The following SLC13A3 variants were observed in gnomAD, a reference collection of about 807,000 sequenced individuals.
SLC13A3 encodes the protein Na(+)/dicarboxylate cotransporter 3.
A neutral mutation model predicts 59.0 loss-of-function variants in SLC13A3; 40 were observed. The observed-to-expected ratio is 0.68, with a 90% CI of 0.53 to 0.88. SLC13A3 has a LOEUF of 0.88. Among genes scored for constraint, SLC13A3 ranks in the 40% least tolerant of loss-of-function variants. The pLI, the probability that SLC13A3 is intolerant of heterozygous loss-of-function variation, is 0.00. For missense variants in SLC13A3, 699 were observed against 783.2 expected (o/e 0.89, Z 1.28); for synonymous variants, 317 against 330.3 (o/e 0.96, Z 0.44).
chr20:46,654,983 A>G (rs1390727258), upstream of SLC13A3, among the ~76,000 whole-genome samples: 2 of 152,164 alleles, frequency 1.3e-5, no homozygotes, highest in African/African-American at 2.4e-5. Flanking sequence ...GAGAAATGCT[A>G]TGCACCTACT....
Position 46,566,386 on chromosome 20 carries a change from G to A in SLC13A3, c.1337C>T (p.Ser446Leu), listed in dbSNP as rs957403793. The A allele has an allele frequency of 1.4e-5, 22 of 1,611,694 alleles. No homozygotes were observed. The highest frequency in any genetic ancestry group is 4.5e-5 in the East Asian group (2 of 44,826). Residue 446 changes from serine to leucine, a missense_variant, in exon 11 of 13, where the codon TCG (serine) becomes TTG (leucine). Physicochemically the swap from Ser to Leu is moderately radical, Grantham distance 145. Coordinates refer to ENST00000279027, the MANE Select transcript of SLC13A3 (RefSeq NM_022829.6). Reference protein sequence around the residue: ...GFAMAKGCEESGLSVWIGGQL... With the variant: ...GFAMAKGCEELGLSVWIGGQL... ...CCCACCAATCCATACAGACAGCCCC[G>A]ATTCCTGCGGAGGGAAAGGCATTCC...
At chr20:46,585,105 A>G in intron 8 of SLC13A3, 1 of 972,454 alleles carries the variant, frequency 1.0e-6, no homozygotes, top group Non-Finnish European at 1.2e-6. Flanking sequence ...GCAGTGTTTT[A>G]AAAGAATAAA....
At chr20:46,640,730 G>A (rs1454717004) in intron 1 of SLC13A3, among the ~76,000 whole-genome samples, 1 of 152,176 alleles carries the variant, frequency 6.6e-6, no homozygotes, top group East Asian at 1.9e-4. Context: ...GCTGAAAAAA[G>A]CAGTTTGGAC....
At position 46,630,460 on chromosome 20, in the gene SLC13A3, C is replaced by T. The variant is rs140697196; in HGVS notation, c.112-16735G>A. 6.5e-3 allele frequency among the ~76,000 whole-genome samples: 989 copies of T among 152,332 alleles called. 8 individuals are homozygous for T. Among genetic ancestry groups the T allele is most frequent in the Non-Finnish European group, 9.5e-3 (644 of 68,032 alleles). On this transcript the variant is annotated intron_variant, in intron 1 of 12. Coordinates refer to ENST00000279027, the MANE Select transcript of SLC13A3 (RefSeq NM_022829.6). Reference sequence around the variant, plus strand: ...ACTTCAGAACTCCTCGTCCTGCCCACGATGTGCAGAAGCATGCGCCACTCT... The same window carrying T: ...ACTTCAGAACTCCTCGTCCTGCCCATGATGTGCAGAAGCATGCGCCACTCT...
chr20:46,563,423 G>C lies in SLC13A3; in HGVS notation c.1623C>G (p.Val541=), dbSNP rs779282657. The C allele has an allele frequency of 4.3e-5, 69 of 1,613,802 alleles. 3 individuals are homozygous for C. The South Asian group carries it at 7.6e-4, about 18-fold the overall frequency. The change falls in exon 12 of 13, where the codon GTC becomes GTG. Residue 541 remains valine, a synonymous_variant. Coordinates refer to ENST00000279027, the MANE Select transcript of SLC13A3 (RefSeq NM_022829.6). ...SIAFASGHLL[V]KDMVRTGLLM... is the part of the protein sequence containing the mutation. ...AAATGCCCAGACTCACCATGTCTTT[G>C]ACCAGCAAGTGTCCAGAGGCGAAGG...
chr20:46,636,049 C>G (rs535443727), intron 1 of SLC13A3, among the ~76,000 whole-genome samples: 3 of 152,176 alleles, frequency 2.0e-5, no homozygotes, highest in Non-Finnish European at 4.4e-5. Context: ...ATAATCCACC[C>G]CTTGTTTAGC....
intron 1 of SLC13A3, among the ~76,000 whole-genome samples, chr20:46,629,375 C>G (rs1568945529): frequency 6.6e-6 from 1 of 152,134 alleles, no homozygotes; most frequent in Non-Finnish European, 1.5e-5. Context: ...CACAATTTGT[C>G]TTGGTGTTGA....
intron 4 of SLC13A3, among the ~76,000 whole-genome samples, chr20:46,599,033 T>C (rs1464025254): frequency 6.6e-6 from 1 of 152,196 alleles, no homozygotes; most frequent in African/African-American, 2.4e-5. Context: ...ATATTCAAAC[T>C]GCCCCTTCCC....
intron 1 of SLC13A3, chr20:46,681,975 A>G (rs1441386538): frequency 6.6e-6 from 1 of 152,232 alleles, no homozygotes; most frequent in African/African-American, 2.4e-5. Flanking sequence ...CCATCTTTCA[A>G]TACTGCTAAG....
intron 11 of SLC13A3, 66 bp downstream of exon 11, chr20:46,566,163 C>T (rs945227469): frequency 9.1e-5 from 127 of 1,391,460 alleles, no homozygotes; most frequent in Non-Finnish European, 1.2e-4. Flanking sequence ...GGTCCCTTGG[C>T]GGGGGAAGAT....
upstream of SLC13A3, among the ~76,000 whole-genome samples, chr20:46,674,268 G>C (rs1255468823): frequency 6.6e-6 from 1 of 152,144 alleles, no homozygotes; most frequent in Admixed American, 6.5e-5. Context: ...TCCCAGCAGA[G>C]AGCCCTCAGA....
At chr20:46,568,548 T>C (rs1429118973) in intron 10 of SLC13A3, among the ~76,000 whole-genome samples, 1 of 151,776 alleles carries the variant, frequency 6.6e-6, no homozygotes, top group Non-Finnish European at 1.5e-5. Context: ...CCCAGAAGAG[T>C]CCTCATGAAA....
chr20:46,583,638 T>C lies in SLC13A3; in HGVS notation c.1153A>G (p.Ile385Val), dbSNP rs747253823. The C allele has an allele frequency of 2.5e-6, 4 of 1,613,010 alleles. No homozygotes were observed. Among genetic ancestry groups the C allele is most frequent in the Non-Finnish European group, 3.4e-6 (4 of 1,179,910 alleles). The change falls in exon 9 of 13, where the codon ATT becomes GTT. Residue 385 changes from isoleucine (I) to valine (V), a missense_variant. Ile to Val is a conservative substitution (Grantham distance 29). Transcript: ENST00000279027. ...FLSDAVTGVA[I>V]VTILFFFPSQ... ...GGGAAGAAGAACAAGATGGTGACAATAGCCACGCCGGTGACAGCATCAGAA... is the reference window on the plus strand; with the variant it reads ...GGGAAGAAGAACAAGATGGTGACAACAGCCACGCCGGTGACAGCATCAGAA...
At chr20:46,602,438 A>G (rs1013587806) in intron 3 of SLC13A3, among the ~76,000 whole-genome samples, 3 of 152,230 alleles carry the variant, frequency 2.0e-5, no homozygotes, top group Non-Finnish European at 4.4e-5. Context: ...ATTAGAATGA[A>G]TTAAATGTTC....
intron 5 of SLC13A3, 140 bp from the exon 6 acceptor site, chr20:46,592,669 C>T: frequency 4.7e-6 from 4 of 851,978 alleles, no homozygotes; most frequent in Non-Finnish European, 7.2e-6. Context: ...CAGTGTTTTC[C>T]ACCAATTCTA....
chr20:46,650,714 T>C (rs551248136), intron 1 of SLC13A3, among the ~76,000 whole-genome samples: 2 of 152,270 alleles, frequency 1.3e-5, no homozygotes, highest in African/African-American at 4.8e-5. Flanking sequence ...TAAGTGTTCA[T>C]TGTGACTGTC....
At chr20:46,571,087 G>T (rs558589637) in intron 10 of SLC13A3, among the ~76,000 whole-genome samples, 1 of 152,156 alleles carries the variant, frequency 6.6e-6, no homozygotes, top group East Asian at 1.9e-4. Context: ...AGCAGAAGGG[G>T]GAAAAGCCCC....
At chr20:46,595,639 C>T (rs776630154) in intron 5 of SLC13A3, among the ~76,000 whole-genome samples, 48 of 152,318 alleles carry the variant, frequency 3.2e-4, no homozygotes, top group Middle Eastern at 6.8e-3. Flanking sequence ...ACCGCTATAA[C>T]CTTTTGTCTT....
intron 3 of SLC13A3, chr20:46,600,603 C>G: frequency 2.2e-6 from 1 of 464,956 alleles, no homozygotes; most frequent in South Asian, 1.6e-5. Flanking sequence ...CAGCCATTGC[C>G]AAAGTTGTGA....
Sources: allele counts gnomAD v4.1 joint callset (sites outside exome capture counted in the v4.1 genomes callset), GRCh38; gene constraint gnomAD v4.1.1; transcripts MANE v1.5; gene names NCBI Gene and HGNC (gene_info 2026-07-23, HGNC 2026-07-21).